Variants in PRKCA observed in about 807,000 individuals in gnomAD.
PRKCA encodes the protein protein kinase C alpha type.
Under a neutral mutation model 87.0 loss-of-function variants are expected in PRKCA, and 27 were observed. The ratio of observed to expected loss-of-function variants is 0.31; its 90% CI spans 0.23 to 0.43. The LOEUF (loss-of-function observed/expected upper bound fraction) is 0.43. PRKCA is among the 20% of genes least tolerant of loss of function. The pLI is 1.00. For synonymous variants in PRKCA, 329 were observed against 311.1 expected (o/e 1.06, Z -0.61); for missense variants, 518 against 852.3 (o/e 0.61, Z 4.88).
chr17:66,406,988 G>A (rs914955656), intron 2 of PRKCA, among the ~76,000 whole-genome samples: 13 of 152,200 alleles, frequency 8.5e-5, no homozygotes, highest in African/African-American at 1.4e-4. Flanking sequence ...GGTCTTTCCC[G>A]TGTGATCTCT....
chr17:66,603,980 TATGG>T (rs1213396605), intron 3 of PRKCA, among the ~76,000 whole-genome samples: 1 of 152,204 alleles, frequency 6.6e-6, no homozygotes, highest in East Asian at 1.9e-4. Flanking sequence ...TATCTCGCTG[TATGG>T]ATATACCGCC....
At chr17:66,563,292 G>A (rs1336394899) in intron 3 of PRKCA, among the ~76,000 whole-genome samples, 2 of 152,106 alleles carry the variant, frequency 1.3e-5, no homozygotes, top group East Asian at 3.9e-4. Context: ...GTATCATACA[G>A]AGGATCTTCA....
intron 2 of PRKCA, among the ~76,000 whole-genome samples, chr17:66,493,995 A>G (rs965946396): frequency 1.1e-4 from 16 of 151,940 alleles, no homozygotes; most frequent in African/African-American, 3.9e-4. Flanking sequence ...TGTCTGTGTT[A>G]CTCTTTGTTC....
chr17:66,640,915 C>G, intron 3 of PRKCA: 1 of 408,066 alleles, frequency 2.5e-6, no homozygotes, highest in Non-Finnish European at 4.8e-6. Flanking sequence ...AATCCCAGCA[C>G]TTTGGGAGGC....
chr17:66,451,497 T>C (rs1169287309), intron 2 of PRKCA, among the ~76,000 whole-genome samples: 1 of 152,196 alleles, frequency 6.6e-6, no homozygotes, highest in Non-Finnish European at 1.5e-5. Context: ...TTTCACAGAA[T>C]GATATGAGCA....
In PRKCA at chr17:66,399,041, A is replaced by G. The variant is rs560115679; in HGVS notation, c.205+92914A>G. On this transcript the variant is annotated intron_variant, in intron 2 of 16. Transcript: ENST00000413366. ...GTTTGGCTGTAGAAAGCACAGAGGA[A>G]TGATGCTGTGGATATTGATGCACCA... Among the ~76,000 whole-genome samples the G allele has an allele frequency of 7.2e-5, 11 of 151,738 alleles. No individual in the cohort carries two copies. In the South Asian group the frequency reaches 8.3e-4, roughly 11 times the overall value.
chr17:66,735,920 CTTTTTT>C (rs5821508), intron 10 of PRKCA, among the ~76,000 whole-genome samples: 3 of 122,114 alleles, frequency 2.5e-5, no homozygotes, highest in Non-Finnish European at 4.9e-5. Flanking sequence ...TTCTTTCTTT[CTTTTTT>C]TTTTTTTTTT....
rs1469292255 is a variant in PRKCA at position 66,781,894 on chromosome 17, G to A, written c.1606-4973G>A. Among the ~76,000 whole-genome samples, 164 of 142,274 alleles carry A rather than the reference G, an allele frequency of 1.2e-3. 4 individuals are homozygous for A. The East Asian group carries it at 0.028, about 24-fold the overall frequency. The allele number at this position is 142,274 out of a possible 152,430, so 93.3% of individuals were successfully genotyped here. A position where few individuals can be genotyped will look rare whatever the true frequency, so the allele number is the denominator to read the frequency against. On this transcript the variant is annotated intron_variant, in intron 14 of 16. Coordinates refer to ENST00000413366, the MANE Select transcript of PRKCA (RefSeq NM_002737.3). ...ATATATATATATATATATAGTGTGT[G>A]TGTGTGTGTGTGTGTGTGTGTGTGA...
At chr17:66,568,707 A>G (rs562087110) in intron 3 of PRKCA, among the ~76,000 whole-genome samples, 1 of 152,298 alleles carries the variant, frequency 6.6e-6, no homozygotes, top group East Asian at 1.9e-4. Context: ...TGATTTAAAA[A>G]TCATTTCCTC....
intron 2 of PRKCA, among the ~76,000 whole-genome samples, chr17:66,471,992 C>T (rs1042494043): frequency 5.3e-5 from 8 of 152,132 alleles, no homozygotes; most frequent in African/African-American, 1.2e-4. Flanking sequence ...GACATGGTTT[C>T]GCTGTGTTGC....
At chr17:66,389,685 T>C (rs4791063) in intron 2 of PRKCA, among the ~76,000 whole-genome samples, 120,483 of 152,148 alleles carry the variant, frequency 0.79, 48,198 homozygotes, top group South Asian at 0.87. Flanking sequence ...GTTTGAAACA[T>C]GCGACTGGTT....
At chr17:66,529,107 A>G (rs752679712) in intron 3 of PRKCA, among the ~76,000 whole-genome samples, 6 of 152,170 alleles carry the variant, frequency 3.9e-5, no homozygotes, top group Non-Finnish European at 7.3e-5. Flanking sequence ...CTTAAATATC[A>G]TCTTTGATTA....
At chr17:66,497,897 C>T (rs1369675248) in intron 3 of PRKCA, among the ~76,000 whole-genome samples, 1 of 152,182 alleles carries the variant, frequency 6.6e-6, no homozygotes. Context: ...CGGGAACATG[C>T]ACAATGGGGT....
intron 16 of PRKCA, among the ~76,000 whole-genome samples, chr17:66,793,328 G>A (rs201654912): frequency 6.6e-6 from 1 of 152,102 alleles, no homozygotes; most frequent in Non-Finnish European, 1.5e-5. Context: ...GGTGGCTCAC[G>A]CCTGTAATCC....
chr17:66,473,066 C>T (rs1915389841), intron 2 of PRKCA, among the ~76,000 whole-genome samples: 1 of 152,100 alleles, frequency 6.6e-6, no homozygotes, highest in African/African-American at 2.4e-5. Flanking sequence ...GCCCTGCAGC[C>T]ACCTCTCCTC....
intron 8 of PRKCA, among the ~76,000 whole-genome samples, chr17:66,696,105 C>T (rs1972913855): frequency 6.6e-6 from 1 of 152,180 alleles, no homozygotes; most frequent in South Asian, 2.1e-4. Flanking sequence ...GGAATCATGG[C>T]AAACACCCGC....
intron 2 of PRKCA, among the ~76,000 whole-genome samples, chr17:66,410,006 C>A (rs950793827): frequency 6.6e-6 from 1 of 152,200 alleles, no homozygotes; most frequent in Non-Finnish European, 1.5e-5. Flanking sequence ...TTCACTCGTT[C>A]GTTTGTGTGT....
At chr17:66,634,461 A>G (rs993311592) in intron 3 of PRKCA, among the ~76,000 whole-genome samples, 5 of 152,258 alleles carry the variant, frequency 3.3e-5, no homozygotes, top group Non-Finnish European at 7.3e-5. Flanking sequence ...GTATTTGACT[A>G]AAAAGGAAAA....
chr17:66,587,065 GTCC>G (rs759042394), intron 3 of PRKCA, among the ~76,000 whole-genome samples: 23 of 152,146 alleles, frequency 1.5e-4, no homozygotes, highest in Non-Finnish European at 2.6e-4. Flanking sequence ...CACAATGTCT[GTCC>G]TCCTGGGATA....
Sources: allele counts gnomAD v4.1 joint callset (sites outside exome capture counted in the v4.1 genomes callset), GRCh38; gene constraint gnomAD v4.1.1; transcripts MANE v1.5; gene names NCBI Gene and HGNC (gene_info 2026-07-23, HGNC 2026-07-21).